NRG1: variants seen among roughly 807,000 people sequenced by gnomAD.
NRG1 encodes pro-neuregulin-1, membrane-bound isoform.
NRG1 carries 18 observed loss-of-function variants against 63.8 expected under a neutral mutation model. The ratio of observed to expected loss-of-function variants is 0.28; its 90% confidence interval spans 0.19 to 0.42. NRG1 has a LOEUF of 0.42. Ranked by LOEUF, NRG1 falls within the 10% of genes least tolerant of loss-of-function variation. NRG1 has a pLI of 1.00. For synonymous variants in NRG1, 302 were observed against 301.3 expected (o/e 1.00, Z -0.02); for missense variants, 762 against 814.7 (o/e 0.94, Z 0.79).
intron 1 of NRG1, among the ~76,000 whole-genome samples, chr8:31,709,436 A>G (rs1811516327): frequency 6.6e-6 from 1 of 152,046 alleles, no homozygotes. Context: ...TGCAGTCTTT[A>G]TAAAGTTTTG....
chr8:32,073,583 A>G (rs1372580553), intron 1 of NRG1, among the ~76,000 whole-genome samples: 2 of 152,148 alleles, frequency 1.3e-5, no homozygotes, highest in Non-Finnish European at 2.9e-5. Context: ...TGATGTGTCT[A>G]ATACCACCGT....
chr8:32,362,902 C>T (rs544229026), intron 1 of NRG1, among the ~76,000 whole-genome samples: 60 of 152,250 alleles, frequency 3.9e-4, no homozygotes, highest in African/African-American at 1.4e-3. Context: ...CCTGAAGCCC[C>T]GTTTTCCAGA....
At chr8:32,502,080 T>A in intron 1 of NRG1, among the ~76,000 whole-genome samples, 1 of 152,164 alleles carries the variant, frequency 6.6e-6, no homozygotes, top group East Asian at 1.9e-4. Context: ...TACCTGAGAT[T>A]GGGTAATTTA....
Position 32,759,292 on chromosome 8 carries a change from C to T in NRG1, c.922-14C>T. On this transcript the variant is annotated splice_polypyrimidine_tract_variant and intron_variant, in intron 9 of 11. Transcript: ENST00000356819. ...CTACGTGAATCTTCAAGTTGTGTCT[C>T]TTTGTTTATCCAGCAATACGTATCT... 6.2e-7 allele frequency: 1 copy of T among 1,611,026 alleles called. No homozygotes were observed. The highest frequency in any genetic ancestry group is 8.5e-7 in the Non-Finnish European group (1 of 1,178,446).
upstream of NRG1, chr8:32,548,163 G>A: frequency 1.1e-6 from 1 of 947,200 alleles, no homozygotes; most frequent in Non-Finnish European, 1.3e-6. Flanking sequence ...TCCCGGTGGC[G>A]TGTCCGCGCC....
At chr8:32,058,573 A>T (rs1586799509) in intron 1 of NRG1, among the ~76,000 whole-genome samples, 1 of 150,984 alleles carries the variant, frequency 6.6e-6, no homozygotes, top group South Asian at 2.1e-4. Flanking sequence ...AATTATTTTT[A>T]TTTTTTTATT....
chr8:32,592,546 G>C (rs1465690332), intron 1 of NRG1, among the ~76,000 whole-genome samples: 1 of 151,980 alleles, frequency 6.6e-6, no homozygotes, highest in East Asian at 1.9e-4. Flanking sequence ...CCTCATGTTT[G>C]AAATCAAAAC....
intron 1 of NRG1, among the ~76,000 whole-genome samples, chr8:31,658,113 C>A (rs748125051): frequency 3.3e-5 from 5 of 152,194 alleles, no homozygotes; most frequent in Admixed American, 6.5e-5. Flanking sequence ...AATGAACATG[C>A]CATGTTATTG....
At chr8:32,258,411 A>G (rs1300516994) in intron 1 of NRG1, among the ~76,000 whole-genome samples, 1 of 152,234 alleles carries the variant, frequency 6.6e-6, no homozygotes, top group Non-Finnish European at 1.5e-5. Context: ...ACAACACTGT[A>G]AGTACTGTTA....
At chr8:31,668,476 A>G (rs1806780278) in intron 1 of NRG1, among the ~76,000 whole-genome samples, 1 of 152,230 alleles carries the variant, frequency 6.6e-6, no homozygotes, top group African/African-American at 2.4e-5. Context: ...GTCAAAATGG[A>G]CAGTGTACAA....
chr8:32,488,225 T>C (rs1013160107), intron 1 of NRG1, among the ~76,000 whole-genome samples: 5 of 152,194 alleles, frequency 3.3e-5, no homozygotes, highest in African/African-American at 1.2e-4. Flanking sequence ...TCACTCTGAT[T>C]TCATTACTTT....
chr8:31,933,226 G>A (rs2129620155), intron 1 of NRG1, among the ~76,000 whole-genome samples: 1 of 151,084 alleles, frequency 6.6e-6, no homozygotes, highest in South Asian at 2.1e-4. Context: ...AATGCTTTAT[G>A]TATATTAACT....
chr8:31,647,385 G>A (rs2130860347), intron 1 of NRG1, among the ~76,000 whole-genome samples: 1 of 152,214 alleles, frequency 6.6e-6, no homozygotes, highest in East Asian at 1.9e-4. Flanking sequence ...TGAATAATGA[G>A]GTTCTTTGCC....
intron 1 of NRG1, among the ~76,000 whole-genome samples, chr8:32,567,850 C>A (rs1392442559): frequency 6.6e-6 from 1 of 152,152 alleles, no homozygotes. Context: ...ATTGTTTTTC[C>A]ACTTGAATTG....
At chr8:31,965,653 C>A (rs1452608897) in intron 1 of NRG1, among the ~76,000 whole-genome samples, 2 of 152,144 alleles carry the variant, frequency 1.3e-5, no homozygotes, top group Non-Finnish European at 2.9e-5. Flanking sequence ...CGGGTTGAAC[C>A]AATCCATATT....
chr8:32,275,291 G>A (rs976670657), intron 1 of NRG1, among the ~76,000 whole-genome samples: 7 of 151,978 alleles, frequency 4.6e-5, no homozygotes, highest in East Asian at 1.9e-4. Context: ...CAGGGTCTGC[G>A]CATTCAGCAG....
chr8:32,563,714 A>T (rs1403844319), intron 1 of NRG1, among the ~76,000 whole-genome samples: 1 of 152,082 alleles, frequency 6.6e-6, no homozygotes, highest in African/African-American at 2.4e-5. Context: ...TTCAGTTTTT[A>T]TTCTTCTCCA....
chr8:32,328,221 T>G (rs540889512), intron 1 of NRG1, among the ~76,000 whole-genome samples: 71 of 152,260 alleles, frequency 4.7e-4, no homozygotes, highest in African/African-American at 1.7e-3. Context: ...TTAAAGAGCT[T>G]TGGATACCTG....
intron 1 of NRG1, among the ~76,000 whole-genome samples, chr8:32,208,345 G>A (rs199720712): frequency 9.3e-5 from 14 of 150,754 alleles, no homozygotes; most frequent in African/African-American, 2.2e-4. Context: ...GTGAAATGGC[G>A]TGATCTCGGC....
Sources: gnomAD v4.1 joint callset for allele counts (sites outside exome capture counted in the v4.1 genomes callset) on GRCh38, gnomAD v4.1.1 for gene constraint, MANE v1.5 for transcripts, NCBI Gene and HGNC (gene_info 2026-07-23, HGNC 2026-07-21) for gene names.